The following EXOC6B variants were observed in gnomAD, a reference collection of about 807,000 sequenced individuals.
EXOC6B encodes the protein exocyst complex component 6B, also known as SEC15 homolog B.
A neutral mutation model predicts 113.5 loss-of-function variants in EXOC6B; 54 were observed. The observed-to-expected ratio is 0.48, with a 90% CI of 0.38 to 0.60. The LOEUF is 0.60. EXOC6B is among the 20% of genes least tolerant of loss of function. The pLI, the probability that EXOC6B is intolerant of heterozygous loss-of-function variation, is 0.00. For missense variants in EXOC6B, 797 were observed against 977.5 expected (o/e 0.82, Z 2.46); for synonymous variants, 357 against 339.0 (o/e 1.05, Z -0.58).
intron 6 of EXOC6B, among the ~76,000 whole-genome samples, chr2:72,703,874 G>C (rs1678627012): frequency 6.7e-6 from 1 of 149,248 alleles, no homozygotes; most frequent in African/African-American, 2.5e-5. Flanking sequence ...TGCAAACAGG[G>C]ACAATTTGAC....
chr2:72,323,326 C>T lies in EXOC6B; in HGVS notation c.2196+11621G>A, dbSNP rs1329664009. Among the ~76,000 whole-genome samples the T allele has an allele frequency of 2.0e-5, 3 of 152,114 alleles. No individual in the cohort carries two copies. The East Asian group carries it at 5.8e-4, about 29-fold the overall frequency. On this transcript the variant is annotated intron_variant, in intron 20 of 21. Transcript: ENST00000272427. The stretch of plus-strand genomic sequence containing the variant: ...GTTAGAATGGTGATCATTAAAAAGT[C>T]AGGAAACAACAGATGCTGGAGAGGA...
chr2:72,569,455 C>T (rs1015395520), intron 7 of EXOC6B, among the ~76,000 whole-genome samples: 14 of 152,014 alleles, frequency 9.2e-5, no homozygotes, highest in Non-Finnish European at 1.2e-4. Context: ...ATATCCCTGA[C>T]GGCAACACTG....
chr2:72,196,400 TATGC>T (rs1291450206), intron 20 of EXOC6B, among the ~76,000 whole-genome samples: 3 of 152,172 alleles, frequency 2.0e-5, no homozygotes, highest in Admixed American at 1.3e-4. Flanking sequence ...GCCTATGAAA[TATGC>T]TTGAGTCTGG....
At chr2:72,322,689 A>T (rs546374208) in intron 20 of EXOC6B, among the ~76,000 whole-genome samples, 9 of 152,300 alleles carry the variant, frequency 5.9e-5, no homozygotes, top group African/African-American at 1.9e-4. Flanking sequence ...AACACCATAC[A>T]TCTATAACCA....
intron 18 of EXOC6B, among the ~76,000 whole-genome samples, chr2:72,454,795 T>C (rs1384639092): frequency 6.6e-6 from 1 of 152,094 alleles, no homozygotes; most frequent in Non-Finnish European, 1.5e-5. Context: ...AATAGTAGCT[T>C]TATGGGGAGA....
At chr2:72,460,129 G>A (rs1245497999) in intron 18 of EXOC6B, among the ~76,000 whole-genome samples, 3 of 152,038 alleles carry the variant, frequency 2.0e-5, no homozygotes, top group Non-Finnish European at 4.4e-5. Context: ...TTAATAAATG[G>A]TGTTGGGAAA....
chr2:72,671,915 G>A (rs1327958713), intron 6 of EXOC6B, among the ~76,000 whole-genome samples: 2 of 149,468 alleles, frequency 1.3e-5, no homozygotes, highest in Admixed American at 6.7e-5. Context: ...AAGAAAGAAA[G>A]AAAAGAAAGA....
At chr2:72,319,926 C>T (rs1463321066) in intron 20 of EXOC6B, among the ~76,000 whole-genome samples, 1 of 151,992 alleles carries the variant, frequency 6.6e-6, no homozygotes, top group African/African-American at 2.4e-5. Context: ...ACCTCCGACT[C>T]CCTGGTTCCA....
intron 20 of EXOC6B, among the ~76,000 whole-genome samples, chr2:72,309,503 T>C (rs533640262): frequency 6.6e-6 from 1 of 152,242 alleles, no homozygotes; most frequent in South Asian, 2.1e-4. Context: ...ATTATTTCTC[T>C]ACATGCTATA....
At chr2:72,473,959 T>C (rs2105458909) in intron 17 of EXOC6B, among the ~76,000 whole-genome samples, 1 of 152,304 alleles carries the variant, frequency 6.6e-6, no homozygotes, top group Middle Eastern at 3.4e-3. Flanking sequence ...GGTGATGAAT[T>C]CTTTCAGCTT....
At chr2:72,412,947 T>TCTCC (rs984062901) in intron 18 of EXOC6B, among the ~76,000 whole-genome samples, 1 of 151,718 alleles carries the variant, frequency 6.6e-6, no homozygotes, top group Non-Finnish European at 1.5e-5. Context: ...TCTCTCTTTC[T>TCTCC]CTCCCTCTCT....
In EXOC6B at chr2:72,668,773, G is replaced by A. The variant is rs145171777; in HGVS notation, c.669+49330C>T. 8.0e-4 allele frequency among the ~76,000 whole-genome samples: 122 copies of A among 152,298 alleles called. 1 individual carries two copies. Among genetic ancestry groups the A allele is most frequent in the African/African-American group, 2.6e-3 (110 of 41,566 alleles). ...AGACACTGGGGACTACTAGAGGGGA[G>A]AGAGAATGATAGGGGCAAGGGCTGA... On this transcript the variant is annotated intron_variant, in intron 6 of 21. Coordinates refer to ENST00000272427, the MANE Select transcript of EXOC6B (RefSeq NM_015189.3).
At chr2:72,747,849 C>T (rs1681800883) in intron 1 of EXOC6B, among the ~76,000 whole-genome samples, 1 of 152,046 alleles carries the variant, frequency 6.6e-6, no homozygotes, top group East Asian at 1.9e-4. Context: ...ATTATGTGCT[C>T]CTCCTCGGTG....
At chr2:72,187,832 A>G (rs1044336022) in intron 20 of EXOC6B, among the ~76,000 whole-genome samples, 5 of 152,114 alleles carry the variant, frequency 3.3e-5, no homozygotes, top group Non-Finnish European at 7.4e-5. Context: ...GACCTGCCCC[A>G]TTCTGCCCAG....
At chr2:72,427,422 G>T (rs1695264458) in intron 18 of EXOC6B, among the ~76,000 whole-genome samples, 1 of 152,190 alleles carries the variant, frequency 6.6e-6, no homozygotes, top group Admixed American at 6.5e-5. Context: ...AGGGGTGTCT[G>T]CTCCCATTAC....
intron 18 of EXOC6B, among the ~76,000 whole-genome samples, chr2:72,432,801 G>A (rs1695617919): frequency 6.6e-6 from 1 of 151,774 alleles, no homozygotes; most frequent in East Asian, 1.9e-4. Flanking sequence ...GGTAGATTCT[G>A]GATATTAGCC....
chr2:72,800,486 G>A (rs1300247976), intron 1 of EXOC6B, among the ~76,000 whole-genome samples: 2 of 152,198 alleles, frequency 1.3e-5, no homozygotes, highest in African/African-American at 4.8e-5. Flanking sequence ...CTTAAAAAAT[G>A]TTTCTTTTTA....
At position 72,779,419 on chromosome 2, in the gene EXOC6B, C is replaced by T. The variant is rs537908941; in HGVS notation, c.114-37950G>A. 1.9e-3 allele frequency among the ~76,000 whole-genome samples: 290 copies of T among 151,978 alleles called. 9 individuals carry two copies. In the South Asian group the frequency reaches 0.055, roughly 29 times the overall value. ...CATACACAAATTTTATATATATACA[C>T]GTGTGCATGTGTGTTTCAACAACAT... is the stretch of plus-strand genomic sequence containing the variant. On this transcript the variant is annotated intron_variant, in intron 1 of 21. Coordinates refer to ENST00000272427, the MANE Select transcript of EXOC6B (RefSeq NM_015189.3).
chr2:72,404,129 T>G (rs584522), intron 18 of EXOC6B, among the ~76,000 whole-genome samples: 53,482 of 152,062 alleles, frequency 0.35, 15,054 homozygotes, highest in African/African-American at 0.78. Context: ...AGCAGTCTGA[T>G]ATCAAACTGC....
Sources: allele counts gnomAD v4.1 joint callset (sites outside exome capture counted in the v4.1 genomes callset), GRCh38; gene constraint gnomAD v4.1.1; transcripts MANE v1.5; gene names NCBI Gene and HGNC (gene_info 2026-07-23, HGNC 2026-07-21).